CDC123: variants seen among roughly 807,000 people sequenced by gnomAD.
CDC123 encodes translation initiation factor eIF2 assembly protein.
CDC123 carries 37 observed loss-of-function variants against 54.4 expected under a neutral mutation model. The observed-to-expected ratio is 0.68, with a 90% CI of 0.52 to 0.89. The LOEUF (loss-of-function observed/expected upper bound fraction) is 0.89, where lower values mean the gene tolerates loss of function less well. Ranked by LOEUF, CDC123 falls within the 40% of genes least tolerant of loss-of-function variation. The pLI, the probability that CDC123 is intolerant of heterozygous loss-of-function variation, is 0.00. For missense variants in CDC123, 361 were observed against 412.1 expected, an observed-to-expected ratio of 0.88 and a Z score of 1.07; for synonymous variants, 144 against 136.8, an observed-to-expected ratio of 1.05 and a Z score of -0.37.
intron 6 of CDC123, among the ~76,000 whole-genome samples, chr10:12,226,473 G>A (rs1031907535): frequency 2.4e-4 from 36 of 151,300 alleles, no homozygotes; most frequent in African/African-American, 6.8e-4. Flanking sequence ...GGCGGCTGCT[G>A]GGCGGAGGGG....
chr10:12,222,988 TTCACGC>T (rs1328384248), intron 6 of CDC123, among the ~76,000 whole-genome samples: 1 of 151,858 alleles, frequency 6.6e-6, no homozygotes, highest in African/African-American at 2.4e-5. Context: ...GCCTCCCGGG[TTCACGC>T]CATTCTCCTG....
intron 9 of CDC123, chr10:12,237,598 T>A: frequency 6.5e-6 from 1 of 154,670 alleles, no homozygotes; most frequent in Non-Finnish European, 1.4e-5. Flanking sequence ...CACACCCGGC[T>A]AATTTTTTGT....
chr10:12,233,241 C>G (rs539460864), intron 7 of CDC123, among the ~76,000 whole-genome samples: 1 of 150,992 alleles, frequency 6.6e-6, no homozygotes, highest in Non-Finnish European at 1.5e-5. Flanking sequence ...AAGTAGAATC[C>G]TTTGTATCAT....
In CDC123 at chr10:12,221,867, T is replaced by C. The variant is rs147456432; in HGVS notation, c.440+4400T>C. On this transcript the variant is annotated intron_variant, in intron 6 of 12. Transcript: ENST00000281141. ...TTTATATGTGGCCCAAGACAATTCT[T>C]CCTCTAATGTTTCCCAGGGAAGCTA... Among the ~76,000 whole-genome samples, 526 of 152,284 alleles carry C rather than the reference T, an allele frequency of 3.5e-3. 2 individuals carry two copies. The highest frequency in any genetic ancestry group is 5.1e-3 in the Non-Finnish European group (348 of 68,000).
chr10:12,216,818 C>T (rs1422355988), intron 5 of CDC123, among the ~76,000 whole-genome samples: 1 of 152,110 alleles, frequency 6.6e-6, no homozygotes, highest in African/African-American at 2.4e-5. Flanking sequence ...ATTTGCCTTC[C>T]CATCTTTTGT....
chr10:12,198,307 C>G (rs1051170274), intron 1 of CDC123, among the ~76,000 whole-genome samples: 1 of 152,218 alleles, frequency 6.6e-6, no homozygotes, highest in African/African-American at 2.4e-5. Flanking sequence ...TGCCCTCTAT[C>G]TTTAGAAGGT....
chr10:12,196,228 A>T lies in CDC123; in HGVS notation c.-18A>T, dbSNP rs371415716. 1 of 1,613,748 alleles carries T rather than the reference A, an allele frequency of 6.2e-7. No homozygotes were observed. The highest frequency in any genetic ancestry group is 1.3e-5 in the African/African-American group (1 of 74,882). ...TGCAGGCAGGAGAGGGAAAGGCAGC[A>T]GCGGCGGCAGCTGGAGGATGAAGAA... On this transcript the variant is annotated 5_prime_UTR_variant, in exon 1 of 13. Coordinates refer to ENST00000281141, the MANE Select transcript of CDC123 (RefSeq NM_006023.3).
intron 11 of CDC123, 26 bp downstream of exon 11, chr10:12,246,303 A>T: frequency 1.2e-6 from 2 of 1,612,510 alleles, no homozygotes; most frequent in Non-Finnish European, 1.7e-6. Context: ...GACAGATACA[A>T]TGTAAACCTT....
intron 7 of CDC123, 76 bp from the exon 8 acceptor site, chr10:12,234,972 A>G: frequency 1.0e-6 from 1 of 983,182 alleles, no homozygotes; most frequent in South Asian, 1.3e-5. Flanking sequence ...ATTAAGATAC[A>G]GTGTTGACCT....
chr10:12,228,225 T>G (rs1326985329), intron 6 of CDC123, among the ~76,000 whole-genome samples: 2 of 152,124 alleles, frequency 1.3e-5, no homozygotes, highest in African/African-American at 4.8e-5. Flanking sequence ...GTGAGCCCTG[T>G]GCCCAGTCCT....
At chr10:12,225,746 C>CTTTTTTTTTTTTTTTTTTTTTT (rs60404885) in intron 6 of CDC123, among the ~76,000 whole-genome samples, 4 of 66,928 alleles carry the variant, frequency 6.0e-5, no homozygotes, top group African/African-American at 2.1e-4. Context: ...TAGCTTCTCT[C>CTTTTTTTTTTTTTTTTTTTTTT]TTTTTTTTTT....
chr10:12,201,399 C>T (rs1270620483), intron 2 of CDC123, among the ~76,000 whole-genome samples: 2 of 151,884 alleles, frequency 1.3e-5, no homozygotes, highest in African/African-American at 4.8e-5. Flanking sequence ...AGCTGAGGAT[C>T]GCGAGGAGGG....
intron 1 of CDC123, among the ~76,000 whole-genome samples, chr10:12,196,826 CTA>C (rs1191362726): frequency 6.6e-6 from 1 of 152,170 alleles, no homozygotes; most frequent in Non-Finnish European, 1.5e-5. Context: ...ACAAAAATAA[CTA>C]TGTTAGGCAA....
At chr10:12,223,153 C>G (rs755930942) in intron 6 of CDC123, among the ~76,000 whole-genome samples, 1 of 152,134 alleles carries the variant, frequency 6.6e-6, no homozygotes, top group African/African-American at 2.4e-5. Context: ...CTTGGTCTCC[C>G]GAAGTGCTGG....
chr10:12,234,927 G>A, intron 7 of CDC123, 121 bp from the exon 8 acceptor site: 1 of 686,036 alleles, frequency 1.5e-6, no homozygotes. Flanking sequence ...AATGTCATAT[G>A]CCTCTTTTTT....
rs868562052 is a variant in CDC123, at chr10:12,235,121, T to C, written c.563T>C (p.Ile188Thr). The C allele has an allele frequency of 2.5e-6, 4 of 1,611,306 alleles. No individual in the cohort carries two copies. The highest frequency in any genetic ancestry group is 2.7e-5 in the African/African-American group (2 of 74,144). ...TGTTTTGTCAAGGAAAACAAGCTTA[T>C]TGGTGAGTTTTTGTTTGTTTGTTTG... ...FRCFVKENKL[I>T]GISQRDYTQY... The change falls in exon 8 of 13, where the codon ATT (isoleucine) becomes ACT (threonine). Residue 188 changes from isoleucine (I) to threonine (T), a missense_variant and splice_region_variant. By Grantham distance (89) the Ile-to-Thr change is moderately conservative. Transcript: ENST00000281141.
intron 6 of CDC123, among the ~76,000 whole-genome samples, chr10:12,221,689 G>T (rs1402577726): frequency 3.3e-5 from 5 of 149,592 alleles, no homozygotes; most frequent in Non-Finnish European, 5.9e-5. Flanking sequence ...GATTTTTTTT[G>T]AGATTTTTAT....
At chr10:12,241,054 G>T (rs1836050985) in intron 10 of CDC123, among the ~76,000 whole-genome samples, 1 of 152,162 alleles carries the variant, frequency 6.6e-6, no homozygotes, top group African/African-American at 2.4e-5. Context: ...CACAGTACCT[G>T]CAGGCTTCCT....
rs543819755 is a variant in CDC123 at position 12,230,156 on chromosome 10, T to C, written c.441-792T>C. Among the ~76,000 whole-genome samples the C allele has an allele frequency of 7.9e-5, 12 of 152,254 alleles. No individual in the cohort carries two copies. The South Asian group carries it at 2.5e-3, about 32-fold the overall frequency. ...TTTTTGTGGGTACATAGTAAGTGTATATATTCATGCGGTACATAAGATGGG... is the reference window on the plus strand; with the variant it reads ...TTTTTGTGGGTACATAGTAAGTGTACATATTCATGCGGTACATAAGATGGG... On this transcript the variant is annotated intron_variant, in intron 6 of 12. Coordinates refer to ENST00000281141, the MANE Select transcript of CDC123 (RefSeq NM_006023.3).
Sources: allele counts gnomAD v4.1 joint callset (sites outside exome capture counted in the v4.1 genomes callset), GRCh38; gene constraint gnomAD v4.1.1; transcripts MANE v1.5; gene names NCBI Gene and HGNC (gene_info 2026-07-23, HGNC 2026-07-21).